The following MOCOS variants were observed in gnomAD, a reference collection of about 807,000 sequenced individuals.
The protein encoded by MOCOS is human molybdenum cofactor sulfurase.
In MOCOS, 86 loss-of-function variants were observed where a neutral mutation model predicts 83.6. The ratio of observed to expected loss-of-function variants is 1.03; its 90% CI spans 0.86 to 1.23. MOCOS has a LOEUF of 1.23. MOCOS is among the 50% of genes most tolerant of loss of function. MOCOS has a pLI of 0.00. For missense variants in MOCOS, 1,120 were observed against 1,126.9 expected, an observed-to-expected ratio of 0.99 and a Z score of 0.09; for synonymous variants, 445 against 434.7, an observed-to-expected ratio of 1.02 and a Z score of -0.29.
chr18:36,262,303 G>A (rs2091666785), intron 13 of MOCOS, among the ~76,000 whole-genome samples: 1 of 46,524 alleles, frequency 2.1e-5, no homozygotes, highest in Non-Finnish European at 4.3e-5. Context: ...ACGGTGATGT[G>A]CGCCTGTAGT....
At chr18:36,228,472 C>T (rs1354865677) in intron 9 of MOCOS, among the ~76,000 whole-genome samples, 1 of 152,098 alleles carries the variant, frequency 6.6e-6, no homozygotes, top group African/African-American at 2.4e-5. Context: ...AAATGTGGTA[C>T]ATATACACCA....
At chr18:36,190,827 C>T (rs1271544098) in intron 1 of MOCOS, among the ~76,000 whole-genome samples, 1 of 151,678 alleles carries the variant, frequency 6.6e-6, no homozygotes, top group African/African-American at 2.4e-5. Flanking sequence ...AATCCCAGCA[C>T]TTTGGGAGGC....
intron 7 of MOCOS, among the ~76,000 whole-genome samples, chr18:36,213,731 C>T (rs911095049): frequency 2.0e-5 from 3 of 151,860 alleles, no homozygotes; most frequent in Non-Finnish European, 4.4e-5. Flanking sequence ...GAGTTCGAGA[C>T]AAGCCTGGCC....
chr18:36,222,832 C>A (rs2091501606), intron 9 of MOCOS, among the ~76,000 whole-genome samples: 2 of 152,134 alleles, frequency 1.3e-5, no homozygotes, highest in Non-Finnish European at 2.9e-5. Context: ...GATTTCCTGA[C>A]CTTGTGATCT....
At chr18:36,203,808 G>A (rs145416613) in intron 5 of MOCOS, among the ~76,000 whole-genome samples, 18 of 152,336 alleles carry the variant, frequency 1.2e-4, no homozygotes, top group African/African-American at 4.1e-4. Flanking sequence ...CAGGATTCAC[G>A]GGAAGAGAGG....
At chr18:36,193,652 C>T (rs1287907825) in intron 1 of MOCOS, among the ~76,000 whole-genome samples, 2 of 152,130 alleles carry the variant, frequency 1.3e-5, no homozygotes, top group African/African-American at 4.8e-5. Flanking sequence ...AATATATAAG[C>T]ATAAATCACT....
At chr18:36,203,254 A>C (rs1299230473) in intron 5 of MOCOS, 65 bp downstream of exon 5, 12 of 1,444,740 alleles carry the variant, frequency 8.3e-6, no homozygotes, top group Non-Finnish European at 1.1e-5. Flanking sequence ...GCTCTGGCAC[A>C]GGTGTGATTC....
chr18:36,269,123 T>A lies in MOCOS; in HGVS notation c.*438T>A. On this transcript the variant is annotated 3_prime_UTR_variant, in exon 15 of 15. Transcript: ENST00000261326. ...AGTCTATGCCCAGTGATCCTGGGTA[T>A]GAGAAGGTGCTCCTCTCCTCCCATG... 5.0e-6 allele frequency: 1 copy of A among 200,726 alleles called. No individual in the cohort carries two copies. Among genetic ancestry groups the A allele is most frequent in the Non-Finnish European group, 1.0e-5 (1 of 97,580 alleles). 12.4% of individuals were successfully genotyped at this position (200,726 alleles called of 1,614,324 possible). A position where few individuals can be genotyped will look rare whatever the true frequency, so the allele number is the denominator to read the frequency against.
chr18:36,266,949 TG>T, intron 14 of MOCOS, 96 bp downstream of exon 14: 1 of 1,040,504 alleles, frequency 9.6e-7, no homozygotes, highest in Non-Finnish European at 1.5e-6. Context: ...TTTTTTTAAA[TG>T]GGGGATTTGC....
At chr18:36,259,909 T>C in intron 12 of MOCOS, 128 bp from the exon 13 acceptor site, 1 of 1,321,154 alleles carries the variant, frequency 7.6e-7, no homozygotes, top group Non-Finnish European at 1.1e-6. Flanking sequence ...CTGTTTTGAT[T>C]ATCCAGGGCA....
At position 36,214,259 on chromosome 18, in the gene MOCOS, A is replaced by AG. The variant is rs1386476228; in HGVS notation, c.1335+777_1335+778insG. Among the ~76,000 whole-genome samples, 303 of 66,960 alleles carry AG rather than the reference A, an allele frequency of 4.5e-3. 3 individuals are homozygous for AG. The highest frequency in any genetic ancestry group is 9.9e-3 in the African/African-American group (290 of 29,256). The allele number at this position is 66,960 out of a possible 152,430, so 43.9% of individuals were successfully genotyped here. A position where few individuals can be genotyped will look rare whatever the true frequency, so the allele number is the denominator to read the frequency against. ...AACTCAGTCTCAAAAAAAAAAAAAAAAAAGAAAAGAAAAAAAAGAAAATGC... is the reference window on the plus strand; with the variant it reads ...AACTCAGTCTCAAAAAAAAAAAAAAAGAAAGAAAAGAAAAAAAAGAAAATGC... On this transcript the variant is annotated intron_variant, in intron 7 of 14. Coordinates refer to ENST00000261326, the MANE Select transcript of MOCOS (RefSeq NM_017947.4).
chr18:36,224,203 T>G (rs562790794), intron 9 of MOCOS, among the ~76,000 whole-genome samples: 1 of 152,342 alleles, frequency 6.6e-6, no homozygotes, highest in South Asian at 2.1e-4. Flanking sequence ...TTTAGAATTT[T>G]TTGAATATAT....
intron 2 of MOCOS, among the ~76,000 whole-genome samples, chr18:36,196,890 GAAA>G (rs774695449): frequency 6.6e-6 from 1 of 151,090 alleles, no homozygotes; most frequent in Non-Finnish European, 1.5e-5. Context: ...TATTTTGGAG[GAAA>G]AAAAAAGTCT....
chr18:36,213,490 C>T lies in MOCOS; in HGVS notation c.1335+8C>T, dbSNP rs376927958. ...GTCAGGAAGCATTTTCAGGTTGGTA[C>T]AGGGCTCTGCGATCCAGACGCTGGT... On this transcript the variant is annotated splice_region_variant and intron_variant, in intron 7 of 14. Transcript: ENST00000261326. The T allele has an allele frequency of 7.5e-6, 12 of 1,607,650 alleles. No individual in the cohort carries two copies. Among genetic ancestry groups the T allele is most frequent in the Non-Finnish European group, 1.0e-5 (12 of 1,174,948 alleles).
rs1400016081 is a variant in MOCOS, at chr18:36,195,284, C to T, written c.170C>T (p.Ala57Val). 2 of 1,613,982 alleles carry T rather than the reference C, an allele frequency of 1.2e-6. No individual in the cohort carries two copies. The highest frequency in any genetic ancestry group is 4.5e-5 in the East Asian group (2 of 44,892). ...ACTGTCTATCTTGACCATGCAGGTG[C>T]CACCTTGTTCTCCCAGAGCCAGCTC... Reference protein sequence around the residue: ...AGTVYLDHAGATLFSQSQLES... With the variant: ...AGTVYLDHAGVTLFSQSQLES... The change falls in exon 2 of 15, where the codon GCC becomes GTC. Residue 57 changes from alanine (A) to valine (V), a missense_variant. Ala to Val is a moderately conservative substitution (Grantham distance 64, BLOSUM62 0). Coordinates refer to ENST00000261326, the MANE Select transcript of MOCOS (RefSeq NM_017947.4).
At chr18:36,191,451 G>A (rs1287367806) in intron 1 of MOCOS, among the ~76,000 whole-genome samples, 2 of 152,166 alleles carry the variant, frequency 1.3e-5, no homozygotes, top group Admixed American at 1.3e-4. Flanking sequence ...GTGTGCATGT[G>A]CACACTTTTT....
At chr18:36,238,019 T>C (rs2144939803) in intron 9 of MOCOS, among the ~76,000 whole-genome samples, 1 of 152,142 alleles carries the variant, frequency 6.6e-6, no homozygotes, top group East Asian at 1.9e-4. Flanking sequence ...TTGATTCTTC[T>C]CTCTTTTCTT....
In MOCOS at chr18:36,199,537, T is replaced by C. The variant is rs2091402871; in HGVS notation, c.300-146T>C. ...CTGGAACTCGTTCCCACGGCTTCCA[T>C]TGCCCTCGCCCTAATTTCGCAGCTG... On this transcript the variant is annotated intron_variant, in intron 3 of 14. Transcript: ENST00000261326. 9 of 1,262,258 alleles carry C rather than the reference T, an allele frequency of 7.1e-6. No homozygotes were observed. The South Asian group carries it at 1.0e-4, about 15-fold the overall frequency. 78.2% of individuals were successfully genotyped at this position (1,262,258 alleles called of 1,614,324 possible).
Position 36,232,184 on chromosome 18 carries a change from A to G in MOCOS, c.1960+11967A>G, listed in dbSNP as rs2091540928. ...GAGATGGGGTTTTGCCATGTTGCCC[A>G]GGCTGGTCTGAAACTCCTGAGCTCA... On this transcript the variant is annotated intron_variant, in intron 9 of 14. Transcript: ENST00000261326. Among the ~76,000 whole-genome samples, 5 of 152,180 alleles carry G rather than the reference A, an allele frequency of 3.3e-5. No individual in the cohort carries two copies. The South Asian group carries it at 8.3e-4, about 25-fold the overall frequency.
Sources: allele counts gnomAD v4.1 joint callset (sites outside exome capture counted in the v4.1 genomes callset), GRCh38; gene constraint gnomAD v4.1.1; transcripts MANE v1.5; gene names NCBI Gene and HGNC (gene_info 2026-07-23, HGNC 2026-07-21).